Variants in GAPVD1 observed in about 807,000 individuals in gnomAD.
The protein encoded by GAPVD1 is GTPase-activating protein and VPS9 domain-containing protein 1.
GAPVD1 carries 35 observed loss-of-function variants against 155.5 expected under a neutral mutation model. That is an observed-to-expected ratio of 0.23 (90% CI 0.17 to 0.30). The LOEUF (loss-of-function observed/expected upper bound fraction) is 0.30. Ranked by LOEUF, GAPVD1 falls within the 10% of genes least tolerant of loss-of-function variation. The pLI, the probability that GAPVD1 is intolerant of heterozygous loss-of-function variation, is 1.00. For missense variants in GAPVD1, 1,429 were observed against 1,775.7 expected, an observed-to-expected ratio of 0.80 and a Z score of 3.51; for synonymous variants, 636 against 619.7, an observed-to-expected ratio of 1.03 and a Z score of -0.39.
chr9:125,327,236 C>A (rs893765631), intron 12 of GAPVD1, among the ~76,000 whole-genome samples: 1 of 151,982 alleles, frequency 6.6e-6, no homozygotes, highest in Non-Finnish European at 1.5e-5. Flanking sequence ...TATGTATATA[C>A]ACTAAAATTC....
chr9:125,349,391 G>A lies in GAPVD1; in HGVS notation c.3171G>A (p.Glu1057=), dbSNP rs145670508. 6 of 1,613,728 alleles carry A rather than the reference G, an allele frequency of 3.7e-6. No individual in the cohort carries two copies. In the African/African-American group the frequency reaches 5.3e-5, roughly 14 times the overall value. Residue 1057 remains glutamate (E), a splice_region_variant and synonymous_variant, in exon 21 of 28, where the codon GAG becomes GAA. Transcript: ENST00000297933. The part of the protein sequence containing the change: ...DGAMANYEST[E]VMGDGESAHD... Reference sequence around the variant, plus strand: ...TTCTTGGGGGTGGGTTTTGTTTAGAGGTTATGGGTGATGGTGAAAGTGCAC... The same window carrying A: ...TTCTTGGGGGTGGGTTTTGTTTAGAAGTTATGGGTGATGGTGAAAGTGCAC...
At chr9:125,293,852 TTATATATATATATATA>T (rs1161661604) in intron 2 of GAPVD1, among the ~76,000 whole-genome samples, 80 of 35,188 alleles carry the variant, frequency 2.3e-3, no homozygotes, top group South Asian at 9.8e-3. Flanking sequence ...AAAATATATT[TTATATATATATATATA>T]TATATATATA....
intron 23 of GAPVD1, among the ~76,000 whole-genome samples, chr9:125,353,346 C>A (rs1849576518): frequency 6.6e-6 from 1 of 152,192 alleles, no homozygotes; most frequent in African/African-American, 2.4e-5. Context: ...CCTTATCGTT[C>A]ATATCACTGT....
At chr9:125,355,552 C>T in intron 24 of GAPVD1, 92 bp from the exon 25 acceptor site, 1 of 780,734 alleles carries the variant, frequency 1.3e-6, no homozygotes, top group Non-Finnish European at 2.0e-6. Flanking sequence ...GTCTGCATAG[C>T]TAGTGATTAA....
Position 125,350,326 on chromosome 9 carries a change from T to C in GAPVD1, c.3331T>C (p.Cys1111Arg), listed in dbSNP as rs1467063539. 6.3e-7 allele frequency: 1 copy of C among 1,590,218 alleles called. No individual in the cohort carries two copies. The highest frequency in any genetic ancestry group is 8.5e-7 in the Non-Finnish European group (1 of 1,174,336). ...AAAAAAGAAACTGAGGCTTGCTCTT[T>C]GCTCTGCGGACTCTGTTGCCTTCCC... ...DAKKKLRLAL[C>R]SADSVAFPVL... The change falls in exon 22 of 28, where the codon TGC (cysteine) becomes CGC (arginine). Residue 1111 changes from cysteine to arginine, a missense_variant. Physicochemically the swap from Cys to Arg is radical, Grantham distance 180. Transcript: ENST00000297933.
intron 5 of GAPVD1, among the ~76,000 whole-genome samples, chr9:125,303,476 A>AT (rs1841259485): frequency 6.9e-6 from 1 of 145,868 alleles, no homozygotes; most frequent in South Asian, 2.1e-4. Context: ...CCCCATATCT[A>AT]TTAAAAAAAA....
chr9:125,303,776 CAA>C (rs11458416), intron 5 of GAPVD1: 8 of 122,946 alleles, frequency 6.5e-5, no homozygotes, highest in Non-Finnish European at 8.9e-5. Flanking sequence ...AACTCCGTCT[CAA>C]AAAAAAAAAA....
intron 15 of GAPVD1, among the ~76,000 whole-genome samples, chr9:125,334,784 G>C (rs1232673390): frequency 7.3e-6 from 1 of 137,014 alleles, no homozygotes; most frequent in South Asian, 2.5e-4. Context: ...GCGCATGCCT[G>C]TGGTCCCATC....
Position 125,354,840 on chromosome 9 carries a change from A to C in GAPVD1, c.3756A>C (p.Gln1252His), listed in dbSNP as rs578179619. 1 of 1,601,472 alleles carries C rather than the reference A, an allele frequency of 6.2e-7. No homozygotes were observed. The highest frequency in any genetic ancestry group is 1.3e-5 in the African/African-American group (1 of 74,698). The change falls in exon 24 of 28, where the codon CAA (glutamine) becomes CAC (histidine). Residue 1252 changes from glutamine (Q) to histidine (H), a missense_variant and splice_region_variant. Gln to His is a conservative substitution (Grantham distance 24). This residue lies in a region of GAPVD1 where 699 missense variants were observed against 826.0 expected (regional missense o/e 0.85). Coordinates refer to ENST00000297933, the MANE Select transcript of GAPVD1 (RefSeq NM_001282680.3). ...AAAAGAAGATCAGGGAATTCATTCA[A>C]GGTAACTCAATACCTTTAGTTTAAG... ...SKEKKIREFI[Q>H]DFQKLTAADD... is the part of the protein sequence containing the mutation.
chr9:125,281,998 A>T (rs544016247), intron 2 of GAPVD1, among the ~76,000 whole-genome samples: 2 of 152,250 alleles, frequency 1.3e-5, no homozygotes, highest in African/African-American at 4.8e-5. Flanking sequence ...TTTTTAAAAA[A>T]TTTTAATTTT....
chr9:125,313,183 A>T (rs1241245766), intron 9 of GAPVD1, among the ~76,000 whole-genome samples: 1 of 151,164 alleles, frequency 6.6e-6, no homozygotes, highest in African/African-American at 2.4e-5. Flanking sequence ...TGACCTAATC[A>T]CCTCTCCAAA....
At chr9:125,307,910 C>T (rs1172220235) in intron 8 of GAPVD1, 30 bp downstream of exon 8, 1 of 1,394,588 alleles carries the variant, frequency 7.2e-7, no homozygotes, top group East Asian at 2.3e-5. Context: ...TTGGAGCTTT[C>T]TCTTAAATCT....
chr9:125,331,598 G>T (rs141102796), intron 13 of GAPVD1, among the ~76,000 whole-genome samples: 58 of 152,290 alleles, frequency 3.8e-4, no homozygotes, highest in Middle Eastern at 3.4e-3. Context: ...ATTCATAGGA[G>T]TTACTTTTTA....
intron 2 of GAPVD1, among the ~76,000 whole-genome samples, chr9:125,280,700 C>G (rs748500231): frequency 6.6e-6 from 1 of 151,628 alleles, no homozygotes; most frequent in Non-Finnish European, 1.5e-5. Context: ...CTCAGCCTCT[C>G]GAGTGACTGG....
chr9:125,356,618 C>A (rs1347220532), intron 25 of GAPVD1, among the ~76,000 whole-genome samples: 3 of 152,082 alleles, frequency 2.0e-5, no homozygotes, highest in Non-Finnish European at 2.9e-5. Context: ...CCTACCTTGG[C>A]CTCCTCCCAA....
At chr9:125,286,163 G>A (rs1364460008) in intron 2 of GAPVD1, among the ~76,000 whole-genome samples, 3 of 152,090 alleles carry the variant, frequency 2.0e-5, no homozygotes, top group African/African-American at 7.2e-5. Context: ...ACCCAGGCTG[G>A]AGTGCAGTGG....
intron 16 of GAPVD1, 48 bp downstream of exon 16, chr9:125,337,143 G>T: frequency 6.3e-7 from 1 of 1,599,142 alleles, no homozygotes; most frequent in Non-Finnish European, 8.6e-7. Flanking sequence ...GACAGGAGGA[G>T]GAAACCAAAT....
intron 8 of GAPVD1, among the ~76,000 whole-genome samples, chr9:125,311,919 C>T (rs930627247): frequency 6.6e-6 from 1 of 151,944 alleles, no homozygotes; most frequent in Admixed American, 6.6e-5. Flanking sequence ...GGGGTTTCAC[C>T]GTGTTGCCCT....
chr9:125,283,026 A>ATTTT lies in GAPVD1; in HGVS notation c.-149-12430_-149-12427dup, dbSNP rs1162821538. Among the ~76,000 whole-genome samples the ATTTT allele has an allele frequency of 1.3e-3, 185 of 138,112 alleles. 1 individual carries two copies. Among genetic ancestry groups the ATTTT allele is most frequent in the Admixed American group, 5.2e-4 (7 of 13,530 alleles). The allele number at this position is 138,112 out of a possible 152,430, so 90.6% of individuals were successfully genotyped here. ...TAGCTGTTACTTAAAGTTTATTTTT[A>ATTTT]TTTTTATTTATTTATTTATTTATTT... On this transcript the variant is annotated intron_variant, in intron 2 of 27. Coordinates refer to ENST00000297933, the MANE Select transcript of GAPVD1 (RefSeq NM_001282680.3).
Sources: gnomAD v4.1 joint callset for allele counts (sites outside exome capture counted in the v4.1 genomes callset) on GRCh38, gnomAD v4.1.1 for gene constraint, gnomAD v4.1.1 regional missense constraint, MANE v1.5 for transcripts, NCBI Gene and HGNC (gene_info 2026-07-23, HGNC 2026-07-21) for gene names.